Variants in BBS7 observed in about 807,000 individuals in gnomAD.
The protein encoded by BBS7 is Bardet-Biedl syndrome 7, also known as BBSome complex member BBS7.
A neutral mutation model predicts 90.3 loss-of-function variants in BBS7; 50 were observed. The observed-to-expected ratio is 0.55, with a 90% CI of 0.44 to 0.70. BBS7 has a LOEUF of 0.70. Among genes scored for constraint, BBS7 ranks in the 30% least tolerant of loss-of-function variants. BBS7 has a pLI of 0.00. For missense variants in BBS7, 729 were observed against 838.9 expected, an observed-to-expected ratio of 0.87 and a Z score of 1.62; for synonymous variants, 235 against 287.4, an observed-to-expected ratio of 0.82 and a Z score of 1.85.
At chr4:121,869,790 C>T (rs1246909978) in intron 1 of BBS7, among the ~76,000 whole-genome samples, 1 of 152,178 alleles carries the variant, frequency 6.6e-6, no homozygotes, top group East Asian at 1.9e-4. Flanking sequence ...CCGCCCGCCT[C>T]GGCCTCCCAA....
At position 121,861,816 on chromosome 4, in the gene BBS7, A is replaced by C. The variant is rs181371312; in HGVS notation, c.166-137T>G. ...TATATAGAAATAATTTTAGATAATA[A>C]TCTATATACTTCAGCAGGTCTTCAG... On this transcript the variant is annotated intron_variant, in intron 3 of 18. Coordinates refer to ENST00000264499, the MANE Select transcript of BBS7 (RefSeq NM_176824.3). 65 of 833,902 alleles carry C rather than the reference A, an allele frequency of 7.8e-5. 1 individual carries two copies. The East Asian group carries it at 1.7e-3, about 22-fold the overall frequency. 51.7% of individuals were successfully genotyped at this position (833,902 alleles called of 1,614,324 possible). A position where few individuals can be genotyped will look rare whatever the true frequency, so the allele number is the denominator to read the frequency against.
chr4:121,826,045 C>A, intron 18 of BBS7, 52 bp from the exon 19 acceptor site: 1 of 1,403,110 alleles, frequency 7.1e-7, no homozygotes, highest in Non-Finnish European at 1.0e-6. Context: ...TATTTAATGA[C>A]ACAGTATTTC....
At chr4:121,867,890 TA>T (rs1727372841) in intron 2 of BBS7, 90 bp downstream of exon 2, 1 of 1,137,180 alleles carries the variant, frequency 8.8e-7, no homozygotes, top group African/African-American at 1.6e-5. Context: ...TTAGCATTTT[TA>T]AGAGAATAAC....
chr4:121,852,906 TATA>T (rs1245706065), intron 8 of BBS7, 47 bp downstream of exon 8: 3 of 1,559,128 alleles, frequency 1.9e-6, no homozygotes, highest in African/African-American at 1.4e-5. Flanking sequence ...CTGTCATCTC[TATA>T]ATAATTTGAC....
At chr4:121,857,760 T>TG (rs1726758201) in intron 5 of BBS7, among the ~76,000 whole-genome samples, 1 of 151,796 alleles carries the variant, frequency 6.6e-6, no homozygotes, top group African/African-American at 2.4e-5. Context: ...GCATAGGCTA[T>TG]GGGGGAAATT....
Position 121,845,613 on chromosome 4 carries a change from G to C in BBS7, c.1121C>G (p.Ser374Ter), listed in dbSNP as rs1273560318. ...QQSSQSSKAK[S>*]AVPSFGINDK... ...ATTTATACCAAAGGAAGGTACTGCT[G>C]ATTTTGCTTTGCTTGATTGAGAAGA... The change falls in exon 11 of 19, where the codon TCA becomes TGA. Residue 374 changes from serine to a stop codon, truncating the protein, a stop_gained. Transcript: ENST00000264499. LOFTEE classifies it high-confidence loss of function. 1.2e-6 allele frequency: 2 copies of C among 1,612,830 alleles called. No individual in the cohort carries two copies.
intron 8 of BBS7, among the ~76,000 whole-genome samples, chr4:121,850,450 G>C (rs1423523007): frequency 1.3e-5 from 2 of 152,280 alleles, no homozygotes; most frequent in East Asian, 3.9e-4. Context: ...ACAGGTGTGA[G>C]CCACTGTGCC....
intron 5 of BBS7, among the ~76,000 whole-genome samples, chr4:121,855,833 CAT>C (rs1455061760): frequency 2.3e-5 from 2 of 87,738 alleles, no homozygotes; most frequent in African/African-American, 3.3e-5. Context: ...CATATATACA[CAT>C]ATGTATACAT....
In BBS7 at chr4:121,825,867, G is replaced by T. The variant is rs775478831; in HGVS notation, c.2141C>A (p.Ala714Glu). 6.8e-6 allele frequency: 11 copies of T among 1,612,766 alleles called. No individual in the cohort carries two copies. The highest frequency in any genetic ancestry group is 9.3e-6 in the Non-Finnish European group (11 of 1,179,544). ...CTTTACCTTATTTGTATGTCATGCT[G>T]CATCGAAGAATGAAATCAATGCATT... ...DQNALISFFD[A>E]A Residue 714 changes from alanine to glutamate, a missense_variant, in exon 19 of 19, where the codon GCA (alanine) becomes GAA (glutamate). By Grantham distance (107) the Ala-to-Glu change is moderately radical (BLOSUM62 -1). Transcript: ENST00000264499.
intron 13 of BBS7, among the ~76,000 whole-genome samples, chr4:121,835,699 CTT>C (rs765262755): frequency 6.6e-6 from 1 of 151,974 alleles, no homozygotes; most frequent in Non-Finnish European, 1.5e-5. Context: ...ATCTGATAAA[CTT>C]ATATTTTGGT....
chr4:121,828,257 G>C lies in BBS7; in HGVS notation c.1903C>G (p.His635Asp), dbSNP rs1725002951. 1 of 1,613,076 alleles carries C rather than the reference G, an allele frequency of 6.2e-7. No homozygotes were observed. Among genetic ancestry groups the C allele is most frequent in the Admixed American group, 1.7e-5 (1 of 59,974 alleles). Residue 635 changes from histidine to aspartate, a missense_variant, in exon 18 of 19, where the codon CAT (histidine) becomes GAT (aspartate). His to Asp is a moderately conservative substitution (Grantham distance 81, BLOSUM62 -1). Coordinates refer to ENST00000264499, the MANE Select transcript of BBS7 (RefSeq NM_176824.3). ...ATCAGAAAGTTCGTATTTCCCTCAT[G>C]AATCTGTAATTCCTATTTAAAATGA... ...LIDALKELQI[H>D]EGNTNFLIPE... is the part of the protein sequence containing the mutation.
chr4:121,865,575 AT>A (rs1237366254), intron 2 of BBS7, among the ~76,000 whole-genome samples: 1 of 152,164 alleles, frequency 6.6e-6, no homozygotes, highest in African/African-American at 2.4e-5. Context: ...ATAGTATTCC[AT>A]TGTGTATATA....
intron 2 of BBS7, among the ~76,000 whole-genome samples, chr4:121,864,193 T>C (rs1358366136): frequency 6.6e-6 from 1 of 152,192 alleles, no homozygotes; most frequent in Non-Finnish European, 1.5e-5. Flanking sequence ...CGAAACTGGT[T>C]CCTGGTGCTA....
chr4:121,845,630 T>C lies in BBS7; in HGVS notation c.1104A>G (p.Gln368=). ...GTACTGCTGATTTTGCTTTGCTTGA[T>C]TGAGAAGACTGTTGATAATTCTCTC... The part of the protein sequence containing the change: ...QERENYQQSS[Q]SSKAKSAVPS... The change falls in exon 11 of 19, where the codon CAA becomes CAG. Residue 368 remains glutamine (Q), a synonymous_variant. Coordinates refer to ENST00000264499, the MANE Select transcript of BBS7 (RefSeq NM_176824.3). 6.2e-7 allele frequency: 1 copy of C among 1,613,188 alleles called. No individual in the cohort carries two copies. The highest frequency in any genetic ancestry group is 8.5e-7 in the Non-Finnish European group (1 of 1,179,392).
At chr4:121,866,909 T>C (rs1266581483) in intron 2 of BBS7, among the ~76,000 whole-genome samples, 2 of 152,210 alleles carry the variant, frequency 1.3e-5, no homozygotes, top group Non-Finnish European at 2.9e-5. Flanking sequence ...TTTTGGCTAT[T>C]TGGGGTCTTT....
intron 3 of BBS7, 74 bp downstream of exon 3, chr4:121,863,143 A>T: frequency 7.0e-7 from 1 of 1,422,636 alleles, no homozygotes; most frequent in Non-Finnish European, 9.9e-7. Flanking sequence ...GGAAATTTTT[A>T]ACCTAGTATT....
At chr4:121,847,163 T>C (rs1726052276) in intron 10 of BBS7, among the ~76,000 whole-genome samples, 1 of 152,124 alleles carries the variant, frequency 6.6e-6, no homozygotes, top group Admixed American at 6.6e-5. Flanking sequence ...AACACAACCC[T>C]TGACCTAAGA....
chr4:121,833,695 A>T (rs1265031717), intron 14 of BBS7, among the ~76,000 whole-genome samples: 2 of 152,196 alleles, frequency 1.3e-5, no homozygotes, highest in African/African-American at 4.8e-5. Flanking sequence ...TTTCATTTTT[A>T]AAAAGTTTAT....
chr4:121,854,076 A>T (rs1726468464), intron 7 of BBS7, among the ~76,000 whole-genome samples: 1 of 152,186 alleles, frequency 6.6e-6, no homozygotes. Context: ...CTAAGAGGCT[A>T]TCTTTGACTA....
Sources: allele counts gnomAD v4.1 joint callset (sites outside exome capture counted in the v4.1 genomes callset), GRCh38; gene constraint gnomAD v4.1.1; transcripts MANE v1.5; gene names NCBI Gene and HGNC (gene_info 2026-07-23, HGNC 2026-07-21).